Variants in LYPLAL1 observed in about 807,000 individuals in gnomAD.
LYPLAL1 encodes the protein lysophospholipase like 1, also known as lysophospholipase-like protein 1.
LYPLAL1 carries 23 observed loss-of-function variants against 19.7 expected under a neutral mutation model. The ratio of observed to expected loss-of-function variants is 1.17; its 90% CI spans 0.84 to 1.65. The LOEUF (loss-of-function observed/expected upper bound fraction) is 1.65. LYPLAL1 is among the 40% of genes most tolerant of loss of function. The pLI, the probability that LYPLAL1 is intolerant of heterozygous loss-of-function variation, is 0.00. For synonymous variants in LYPLAL1, 119 were observed against 96.3 expected (o/e 1.24, Z -1.38); for missense variants, 355 against 279.4 (o/e 1.27, Z -1.93).
At chr1:219,175,672 A>G (rs909015599) in intron 1 of LYPLAL1, among the ~76,000 whole-genome samples, 1 of 152,232 alleles carries the variant, frequency 6.6e-6, no homozygotes, top group African/African-American at 2.4e-5. Context: ...GTATGCGAGT[A>G]TAATGTGATT....
chr1:219,324,637 G>C, the LYPLAL1 span, among the ~76,000 whole-genome samples: 1 of 152,168 alleles, frequency 6.6e-6, no homozygotes, highest in Non-Finnish European at 1.5e-5. Flanking sequence ...TCTGCCTCTT[G>C]CTTCAAAAAC....
the LYPLAL1 span, among the ~76,000 whole-genome samples, chr1:219,300,530 C>CTTTTT: frequency 2.2e-4 from 18 of 81,980 alleles, no homozygotes; most frequent in South Asian, 4.2e-4. Context: ...TTTATCCTAA[C>CTTTTT]TTTTTTTTTT....
the LYPLAL1 span, among the ~76,000 whole-genome samples, chr1:219,230,930 A>ACCAC: frequency 6.6e-6 from 1 of 152,154 alleles, no homozygotes; most frequent in East Asian, 1.9e-4. Context: ...ATCCCACTTG[A>ACCAC]CCACCCACCC....
chr1:219,178,453 G>A (rs370701734), intron 1 of LYPLAL1, among the ~76,000 whole-genome samples: 33 of 152,190 alleles, frequency 2.2e-4, no homozygotes, highest in African/African-American at 7.0e-4. Flanking sequence ...ATACCTTAAT[G>A]AGTTAATTGA....
chr1:219,420,785 C>T, the LYPLAL1 span, among the ~76,000 whole-genome samples: 1 of 152,098 alleles, frequency 6.6e-6, no homozygotes, highest in Non-Finnish European at 1.5e-5. Context: ...CTTACTATGG[C>T]ATCTTTTAAA....
At chr1:219,366,696 G>A in the LYPLAL1 span, among the ~76,000 whole-genome samples, 25 of 152,304 alleles carry the variant, frequency 1.6e-4, no homozygotes, top group Middle Eastern at 3.4e-3. Context: ...ACCTGATGTT[G>A]CTGGAGCAGG....
chr1:219,260,487 A>G, the LYPLAL1 span, among the ~76,000 whole-genome samples: 2 of 151,708 alleles, frequency 1.3e-5, no homozygotes, highest in South Asian at 2.1e-4. Flanking sequence ...AACTAAAGAA[A>G]AGTGATTTGA....
chr1:219,215,254 T>C (rs186844695), downstream of LYPLAL1, among the ~76,000 whole-genome samples: 2 of 152,170 alleles, frequency 1.3e-5, no homozygotes, highest in Non-Finnish European at 2.9e-5. Flanking sequence ...CAGATAAACA[T>C]GTTTTCTCTT....
At chr1:219,360,600 G>A in the LYPLAL1 span, among the ~76,000 whole-genome samples, 1 of 152,148 alleles carries the variant, frequency 6.6e-6, no homozygotes, top group African/African-American at 2.4e-5. Context: ...GGGCCAGAAT[G>A]AAAAGGATTT....
chr1:219,377,887 G>T, the LYPLAL1 span, among the ~76,000 whole-genome samples: 1 of 152,064 alleles, frequency 6.6e-6, no homozygotes, highest in African/African-American at 2.4e-5. Flanking sequence ...TTCTATAAAG[G>T]GCCAGAGAGT....
the LYPLAL1 span, among the ~76,000 whole-genome samples, chr1:219,280,138 G>A: frequency 6.6e-5 from 10 of 152,252 alleles, no homozygotes; most frequent in Non-Finnish European, 5.9e-5. Flanking sequence ...CATTTTCATC[G>A]CTTTCTACTG....
At chr1:219,397,304 G>T in the LYPLAL1 span, among the ~76,000 whole-genome samples, 1 of 152,172 alleles carries the variant, frequency 6.6e-6, no homozygotes, top group Non-Finnish European at 1.5e-5. Flanking sequence ...TGTGCTGCTA[G>T]ATTCAGTTTG....
At chr1:219,302,301 C>G in the LYPLAL1 span, among the ~76,000 whole-genome samples, 3 of 152,178 alleles carry the variant, frequency 2.0e-5, no homozygotes, top group African/African-American at 7.2e-5. Context: ...CCAAGAGTCA[C>G]TCTTCTGGGC....
At chr1:219,270,731 T>C in the LYPLAL1 span, 1 of 152,248 alleles carries the variant, frequency 6.6e-6, no homozygotes, top group African/African-American at 2.4e-5. Context: ...GATAGATTTT[T>C]CAGGCTGCTC....
the LYPLAL1 span, among the ~76,000 whole-genome samples, chr1:219,434,984 T>G: frequency 4.6e-5 from 7 of 152,192 alleles, no homozygotes; most frequent in African/African-American, 1.7e-4. Context: ...CATTTATTCC[T>G]TCTCTCTTTC....
At chr1:219,216,566 C>T (rs538941641), downstream of LYPLAL1, among the ~76,000 whole-genome samples, 9 of 152,210 alleles carry the variant, frequency 5.9e-5, no homozygotes, top group South Asian at 1.2e-3. Flanking sequence ...CTATAGCTAG[C>T]GGGAACACAA....
chr1:219,276,063 AT>A, the LYPLAL1 span, among the ~76,000 whole-genome samples: 70,862 of 151,992 alleles, frequency 0.47, 16,884 homozygotes, highest in East Asian at 0.66. Context: ...AAATATAAAA[AT>A]AATGTTTACT....
the LYPLAL1 span, among the ~76,000 whole-genome samples, chr1:219,405,440 T>C: frequency 6.6e-6 from 1 of 152,210 alleles, no homozygotes; most frequent in Non-Finnish European, 1.5e-5. Flanking sequence ...TAGGAATAGA[T>C]GTTTCCCTTG....
chr1:219,360,100 T>C, the LYPLAL1 span, among the ~76,000 whole-genome samples: 2 of 152,126 alleles, frequency 1.3e-5, no homozygotes, highest in African/African-American at 4.8e-5. Flanking sequence ...TCTCTCCACA[T>C]GTTAAGAAAA....
Sources: allele counts gnomAD v4.1 joint callset (sites outside exome capture counted in the v4.1 genomes callset), GRCh38; gene constraint gnomAD v4.1.1; transcripts MANE v1.5; gene names NCBI Gene and HGNC (gene_info 2026-07-23, HGNC 2026-07-21).